Variants in ERC1 observed in about 807,000 individuals in gnomAD.
ERC1 encodes RAB6 interacting protein 2.
A neutral mutation model predicts 132.0 loss-of-function variants in ERC1; 56 were observed. The ratio of observed to expected loss-of-function variants is 0.42; its 90% CI spans 0.34 to 0.53. The LOEUF (loss-of-function observed/expected upper bound fraction) is 0.53. ERC1 is among the 20% of genes least tolerant of loss of function. ERC1 has a pLI of 0.03. For synonymous variants in ERC1, 478 were observed against 476.1 expected (o/e 1.00, Z -0.05); for missense variants, 1,202 against 1,349.9 (o/e 0.89, Z 1.72).
At chr12:1,263,246 A>G (rs2077255897) in intron 14 of ERC1, 81 bp downstream of exon 14, 3 of 1,400,230 alleles carry the variant, frequency 2.1e-6, no homozygotes, top group Non-Finnish European at 3.0e-6. Flanking sequence ...TAGGTAAACT[A>G]TACATATTGT....
intron 13 of ERC1, among the ~76,000 whole-genome samples, chr12:1,261,775 C>G (rs1287240184): frequency 3.9e-5 from 6 of 152,156 alleles, no homozygotes; most frequent in Admixed American, 3.9e-4. Flanking sequence ...TGGAGAAACA[C>G]AGTTCTCTGA....
chr12:1,384,356 T>C (rs1384532368), intron 16 of ERC1, among the ~76,000 whole-genome samples: 1 of 152,158 alleles, frequency 6.6e-6, no homozygotes, highest in Non-Finnish European at 1.5e-5. Flanking sequence ...GAGGGTAAAA[T>C]GATAAGCTGA....
intron 8 of ERC1, among the ~76,000 whole-genome samples, chr12:1,148,378 G>GAC (rs370175332): frequency 2.6e-4 from 40 of 151,630 alleles, no homozygotes; most frequent in African/African-American, 3.9e-4. Context: ...GAGAGAGACA[G>GAC]ACACACACAC....
intron 12 of ERC1, among the ~76,000 whole-genome samples, chr12:1,218,050 C>T (rs1209333665): frequency 1.3e-5 from 2 of 152,214 alleles, no homozygotes; most frequent in African/African-American, 4.8e-5. Flanking sequence ...TTCCCATCCT[C>T]AGAGGTGACT....
At chr12:1,001,367 G>T (rs552996867) in intron 1 of ERC1, among the ~76,000 whole-genome samples, 1 of 152,182 alleles carries the variant, frequency 6.6e-6, no homozygotes, top group East Asian at 1.9e-4. Flanking sequence ...CTTGAAGCCC[G>T]TCTTGAATGT....
At chr12:1,148,072 A>G (rs112097004) in intron 8 of ERC1, among the ~76,000 whole-genome samples, 12 of 152,306 alleles carry the variant, frequency 7.9e-5, no homozygotes, top group African/African-American at 2.9e-4. Context: ...GCAAGCTACT[A>G]AAAAAGCCTT....
At chr12:1,233,358 C>T (rs564342231) in intron 12 of ERC1, among the ~76,000 whole-genome samples, 172 of 151,174 alleles carry the variant, frequency 1.1e-3, no homozygotes, top group Non-Finnish European at 2.2e-3. Flanking sequence ...GTAATCCTAG[C>T]TACTTGGGAG....
rs752761694 is a variant in ERC1, at chr12:1,115,870, G to A, written c.1406G>A (p.Gly469Asp). ...AGTGTTTTACTTCTTTTCTAGATTG[G>A]CCAGGTGAAACAGGAGCTGTCCAGA... ...KKAAGLQAEIGQVKQELSRKD... is the reference protein window; with the variant it reads ...KKAAGLQAEIDQVKQELSRKD... Residue 469 changes from glycine (G) to aspartate (D), a missense_variant, in exon 7 of 19, where the codon GGC becomes GAC. Transcript: ENST00000360905. 20 of 1,611,888 alleles carry A rather than the reference G, an allele frequency of 1.2e-5. No homozygotes were observed. The highest frequency in any genetic ancestry group is 1.6e-5 in the Non-Finnish European group (19 of 1,179,072).
rs1555312681 is a variant in ERC1, at chr12:1,219,635, C to CTCTTTT, written c.2352-17133_2352-17132insCTTTTT. On this transcript the variant is annotated intron_variant, in intron 12 of 18. Transcript: ENST00000360905. ...CTCTGTAGCAATCAGACTGAACTCT[C>CTCTTTT]TTTTTTTTTTTTTCTTTTTTGAGAC... Among the ~76,000 whole-genome samples, 424 of 140,736 alleles carry CTCTTTT rather than the reference C, an allele frequency of 3.0e-3. 8 individuals carry two copies. Among genetic ancestry groups the CTCTTTT allele is most frequent in the African/African-American group, 7.8e-3 (290 of 37,156 alleles). 92.3% of individuals were successfully genotyped at this position (140,736 alleles called of 152,430 possible).
At chr12:1,351,752 T>C (rs2085021001) in intron 15 of ERC1, among the ~76,000 whole-genome samples, 1 of 152,150 alleles carries the variant, frequency 6.6e-6, no homozygotes, top group South Asian at 2.1e-4. Context: ...ACATGCAGTG[T>C]ATCATAAGGC....
chr12:1,213,786 C>A (rs1470811863), intron 12 of ERC1, among the ~76,000 whole-genome samples: 1 of 150,660 alleles, frequency 6.6e-6, no homozygotes, highest in East Asian at 1.9e-4. Flanking sequence ...TGCCTATAAT[C>A]CCAGCTACTC....
At chr12:1,239,585 G>A (rs2075663323) in intron 13 of ERC1, among the ~76,000 whole-genome samples, 1 of 152,148 alleles carries the variant, frequency 6.6e-6, no homozygotes, top group South Asian at 2.1e-4. Context: ...TGGCAGGATG[G>A]TGTACACGTA....
At chr12:1,302,112 A>C (rs2080449199) in intron 15 of ERC1, among the ~76,000 whole-genome samples, 1 of 152,242 alleles carries the variant, frequency 6.6e-6, no homozygotes, top group African/African-American at 2.4e-5. Flanking sequence ...ACAAAACCTT[A>C]GCAATTTGAA....
chr12:1,423,155 C>T lies in ERC1; in HGVS notation c.3024+14908C>T, dbSNP rs558956986. On this transcript the variant is annotated intron_variant, in intron 17 of 18. Transcript: ENST00000360905. ...GGGCTTTCCAATACTCAAGTTTAACCGATCAGGAACTGCCTGGCCAACCTC... is the reference window on the plus strand; with the variant it reads ...GGGCTTTCCAATACTCAAGTTTAACTGATCAGGAACTGCCTGGCCAACCTC... Among the ~76,000 whole-genome samples, 39 of 152,276 alleles carry T rather than the reference C, an allele frequency of 2.6e-4. 1 individual carries two copies. In the South Asian group the frequency reaches 6.2e-3, roughly 24 times the overall value.
intron 17 of ERC1, among the ~76,000 whole-genome samples, chr12:1,432,476 C>G (rs932953471): frequency 6.6e-6 from 1 of 152,178 alleles, no homozygotes; most frequent in Non-Finnish European, 1.5e-5. Context: ...TTAAAATGTC[C>G]TCAGGGTGAG....
chr12:1,360,776 T>C (rs9668608), intron 15 of ERC1, among the ~76,000 whole-genome samples: 3,775 of 152,186 alleles, frequency 0.025, 172 homozygotes, highest in African/African-American at 0.087. Flanking sequence ...TAACTTTTGC[T>C]AAAGTAACGT....
chr12:1,298,435 C>G (rs370341527), intron 15 of ERC1, among the ~76,000 whole-genome samples: 1 of 150,496 alleles, frequency 6.6e-6, no homozygotes, highest in Non-Finnish European at 1.5e-5. Flanking sequence ...CCCAGCTACT[C>G]GGGATTCTGA....
chr12:1,356,213 AGT>A (rs71055145), intron 15 of ERC1, among the ~76,000 whole-genome samples: 5,437 of 129,876 alleles, frequency 0.042, 145 homozygotes, highest in African/African-American at 0.094. Flanking sequence ...AAAAAAAAAA[AGT>A]GTGTGTGTGT....
intron 13 of ERC1, chr12:1,244,659 T>C (rs1472776010): frequency 2.7e-5 from 11 of 407,010 alleles, no homozygotes; most frequent in Non-Finnish European, 4.9e-5. Flanking sequence ...GTAGCTGGGA[T>C]TCCAGGCGTG....
Sources: gnomAD v4.1 joint callset for allele counts (sites outside exome capture counted in the v4.1 genomes callset) on GRCh38, gnomAD v4.1.1 for gene constraint, MANE v1.5 for transcripts, NCBI Gene and HGNC (gene_info 2026-07-23, HGNC 2026-07-21) for gene names.